Variants in LCOR observed in about 807,000 individuals in gnomAD.
LCOR encodes the protein ligand-dependent corepressor.
Under a neutral mutation model 64.4 loss-of-function variants are expected in LCOR, and 14 were observed. That is an observed-to-expected ratio of 0.22 (90% CI 0.14 to 0.34). LCOR has a LOEUF of 0.34. Ranked by LOEUF, LCOR falls within the 10% of genes least tolerant of loss-of-function variation. The pLI, the probability that LCOR is intolerant of heterozygous loss-of-function variation, is 1.00. For missense variants in LCOR, 1,686 were observed against 1,765.3 expected (o/e 0.96, Z 0.80); for synonymous variants, 643 against 642.5 (o/e 1.00, Z -0.01).
At chr10:96,964,078 A>G (rs1263208592) in intron 7 of LCOR, 2 of 152,024 alleles carry the variant, frequency 1.3e-5, no homozygotes, top group Non-Finnish European at 2.9e-5. Flanking sequence ...CCTTGCTATG[A>G]TCAATGTTTA....
intron 4 of LCOR, among the ~76,000 whole-genome samples, chr10:96,941,241 A>C (rs1264355388): frequency 9.1e-5 from 6 of 65,640 alleles, no homozygotes; most frequent in East Asian, 3.9e-4. Context: ...CGGGGGGCTG[A>C]CCCCCCCACC....
At chr10:96,950,087 G>A (rs1281959996) in intron 6 of LCOR, among the ~76,000 whole-genome samples, 2 of 152,050 alleles carry the variant, frequency 1.3e-5, no homozygotes, top group Non-Finnish European at 1.5e-5. Context: ...GAACCACTAC[G>A]AATTGTAAAT....
At chr10:96,884,289 A>G (rs1269052235) in intron 2 of LCOR, among the ~76,000 whole-genome samples, 1 of 152,240 alleles carries the variant, frequency 6.6e-6, no homozygotes, top group Non-Finnish European at 1.5e-5. Context: ...CAATAGATAT[A>G]ATTTACATAA....
chr10:96,881,702 C>T (rs891908284), intron 2 of LCOR, among the ~76,000 whole-genome samples: 1 of 152,144 alleles, frequency 6.6e-6, no homozygotes, highest in Non-Finnish European at 1.5e-5. Flanking sequence ...GGTGATCCAC[C>T]CATCTCAGCC....
At chr10:96,979,864 C>T (rs577315965) in intron 7 of LCOR, among the ~76,000 whole-genome samples, 24 of 152,332 alleles carry the variant, frequency 1.6e-4, no homozygotes, top group Admixed American at 1.6e-3. Context: ...AAGTTCTCAG[C>T]CGAGTGCGGC....
At chr10:96,948,185 G>C (rs1847620025) in intron 5 of LCOR, among the ~76,000 whole-genome samples, 1 of 152,056 alleles carries the variant, frequency 6.6e-6, no homozygotes, top group Admixed American at 6.6e-5. Flanking sequence ...ACTTAACATT[G>C]ACTAGAAATT....
chr10:96,952,211 T>C lies in LCOR; in HGVS notation c.332+15T>C, dbSNP rs754587151. The stretch of plus-strand genomic sequence containing the variant: ...CAAGGGAACGGGTAAGGGAGAATAT[T>C]TGTAGCCTTACACAGTTTCATATAG... On this transcript the variant is annotated intron_variant, in intron 7 of 7. Coordinates refer to ENST00000421806, the MANE Select transcript of LCOR (RefSeq NM_001346516.2). 1.4e-5 allele frequency: 21 copies of C among 1,555,362 alleles called. No individual in the cohort carries two copies. The East Asian group carries it at 4.5e-4, about 33-fold the overall frequency.
At chr10:96,881,850 C>T (rs1325461699) in intron 2 of LCOR, among the ~76,000 whole-genome samples, 1 of 152,164 alleles carries the variant, frequency 6.6e-6, no homozygotes. Context: ...TCTTAAAAGC[C>T]ATGTGATCTG....
At chr10:96,834,528 TAGAAG>T (rs1845408102) in intron 2 of LCOR, among the ~76,000 whole-genome samples, 1 of 152,198 alleles carries the variant, frequency 6.6e-6, no homozygotes, top group Non-Finnish European at 1.5e-5. Context: ...CGGACTATCA[TAGAAG>T]AGAGCATATA....
chr10:96,841,401 GC>G (rs1463097387), intron 2 of LCOR, among the ~76,000 whole-genome samples: 1 of 143,904 alleles, frequency 6.9e-6, no homozygotes, highest in Non-Finnish European at 1.5e-5. Context: ...TGCTGTGTCA[GC>G]CAGGCTGGAG....
chr10:96,900,491 G>A (rs1846614646), intron 2 of LCOR, among the ~76,000 whole-genome samples: 1 of 151,028 alleles, frequency 6.6e-6, no homozygotes, highest in Non-Finnish European at 1.5e-5. Flanking sequence ...ATATAATAGA[G>A]AAGAACAAAA....
In LCOR at chr10:96,984,118, T is replaced by C; in HGVS notation, c.3658T>C (p.Tyr1220His). The change falls in exon 8 of 8, where the codon TAC (tyrosine) becomes CAC (histidine). Residue 1220 changes from tyrosine (Y) to histidine (H), a missense_variant. Physicochemically the swap from Tyr to His is moderately conservative, Grantham distance 83. This residue lies in a region of LCOR where 1,293 missense variants were observed against 1,410.4 expected (regional missense o/e 0.92). Coordinates refer to ENST00000421806, the MANE Select transcript of LCOR (RefSeq NM_001346516.2). ...VPPVKHPLQK[Y>H]APSSLYPSSL... is the part of the protein sequence containing the mutation. The stretch of plus-strand genomic sequence containing the variant: ...CCCTGTCAAGCATCCTCTTCAGAAA[T>C]ACGCTCCTTCCAGCCTATATCCCAG... The C allele has an allele frequency of 1.2e-6, 2 of 1,614,144 alleles. 1 individual carries two copies. Among genetic ancestry groups the C allele is most frequent in the South Asian group, 2.2e-5 (2 of 91,082 alleles).
intron 2 of LCOR, among the ~76,000 whole-genome samples, chr10:96,838,268 T>C (rs965472056): frequency 5.3e-5 from 8 of 152,330 alleles, no homozygotes; most frequent in Middle Eastern, 3.4e-3. Context: ...ATATCATCAC[T>C]GTCTAATTCC....
intron 2 of LCOR, among the ~76,000 whole-genome samples, chr10:96,876,043 G>A (rs1564612161): frequency 6.8e-6 from 1 of 147,836 alleles, no homozygotes; most frequent in Non-Finnish European, 1.5e-5. Context: ...AGAAGTAGAA[G>A]CAACATAGAC....
intron 2 of LCOR, among the ~76,000 whole-genome samples, chr10:96,847,375 C>T (rs1845647477): frequency 6.7e-6 from 1 of 148,998 alleles, no homozygotes. Context: ...CACACGGTAA[C>T]AGTCCTGAAT....
At chr10:96,957,190 AT>A (rs1847798172) in intron 7 of LCOR, 1 of 984,016 alleles carries the variant, frequency 1.0e-6, no homozygotes, top group African/African-American at 1.8e-5. Flanking sequence ...TTTTTATTTA[AT>A]TTTGTTGGTT....
chr10:96,951,527 A>G (rs1847679558), intron 6 of LCOR, among the ~76,000 whole-genome samples: 1 of 152,110 alleles, frequency 6.6e-6, no homozygotes, highest in South Asian at 2.1e-4. Flanking sequence ...AGACACACCC[A>G]AATCATAAAT....
At chr10:96,834,338 T>G (rs1335101513) in intron 2 of LCOR, among the ~76,000 whole-genome samples, 2 of 152,190 alleles carry the variant, frequency 1.3e-5, no homozygotes, top group African/African-American at 4.8e-5. Flanking sequence ...TGAATATATT[T>G]TAAAATTCCC....
chr10:96,883,646 A>G (rs1239334744), intron 2 of LCOR, among the ~76,000 whole-genome samples: 1 of 152,112 alleles, frequency 6.6e-6, no homozygotes, highest in Non-Finnish European at 1.5e-5. Flanking sequence ...TATGTCTTTG[A>G]TGAGGTGTTT....
Sources: gnomAD v4.1 joint callset for allele counts (sites outside exome capture counted in the v4.1 genomes callset) on GRCh38, gnomAD v4.1.1 for gene constraint, gnomAD v4.1.1 regional missense constraint, MANE v1.5 for transcripts, NCBI Gene and HGNC (gene_info 2026-07-23, HGNC 2026-07-21) for gene names.